RNF180: variants seen among roughly 807,000 people sequenced by gnomAD.
The protein encoded by RNF180 is E3 ubiquitin-protein ligase RNF180.
In RNF180, 38 loss-of-function variants were observed where a neutral mutation model predicts 59.2. The ratio of observed to expected loss-of-function variants is 0.64; its 90% confidence interval spans 0.50 to 0.84. The LOEUF (loss-of-function observed/expected upper bound fraction) is 0.84, where lower values mean the gene tolerates loss of function less well. RNF180 is among the 40% of genes least tolerant of loss of function. RNF180 has a pLI of 0.00. For synonymous variants in RNF180, 262 were observed against 240.3 expected (o/e 1.09, Z -0.84); for missense variants, 705 against 700.9 (o/e 1.01, Z -0.07).
At chr5:64,223,682 A>C (rs1741487418) in intron 5 of RNF180, among the ~76,000 whole-genome samples, 1 of 151,636 alleles carries the variant, frequency 6.6e-6, no homozygotes, top group Non-Finnish European at 1.5e-5. Context: ...CACATATTTT[A>C]TCTTTTTTTT....
chr5:64,234,148 AT>A (rs955186213), intron 5 of RNF180, among the ~76,000 whole-genome samples: 2 of 152,098 alleles, frequency 1.3e-5, no homozygotes, highest in Non-Finnish European at 2.9e-5. Flanking sequence ...AATAAATCTC[AT>A]TTTTTTTCCT....
At chr5:64,255,446 G>A (rs913363285) in intron 5 of RNF180, among the ~76,000 whole-genome samples, 1 of 152,086 alleles carries the variant, frequency 6.6e-6, no homozygotes, top group African/African-American at 2.4e-5. Context: ...GAGAACATGT[G>A]GTGTATGGTT....
chr5:64,196,209 C>T (rs144231590), intron 1 of RNF180, among the ~76,000 whole-genome samples: 1 of 151,138 alleles, frequency 6.6e-6, no homozygotes, highest in Non-Finnish European at 1.5e-5. Flanking sequence ...TTTTTCCCAC[C>T]ATTAACGCTT....
intron 1 of RNF180, among the ~76,000 whole-genome samples, chr5:64,167,314 A>T (rs1025006502): frequency 6.6e-6 from 1 of 152,104 alleles, no homozygotes; most frequent in Non-Finnish European, 1.5e-5. Flanking sequence ...TGTACGTGTT[A>T]TGTTGTACTT....
chr5:64,335,486 G>T (rs1745087847), intron 7 of RNF180, among the ~76,000 whole-genome samples: 1 of 151,026 alleles, frequency 6.6e-6, no homozygotes, highest in Admixed American at 6.6e-5. Context: ...TTTCTTTGTT[G>T]TAGGTAGAGA....
At chr5:64,209,032 C>T (rs1165627021) in intron 2 of RNF180, among the ~76,000 whole-genome samples, 3 of 151,862 alleles carry the variant, frequency 2.0e-5, no homozygotes, top group Non-Finnish European at 4.4e-5. Flanking sequence ...TACCTTAAAG[C>T]ATACACAGGC....
At chr5:64,204,788 C>G (rs183658876) in intron 2 of RNF180, among the ~76,000 whole-genome samples, 39 of 152,214 alleles carry the variant, frequency 2.6e-4, no homozygotes, top group Admixed American at 4.6e-4. Flanking sequence ...AGGCAAGTTT[C>G]CTTGTGTGCC....
intron 5 of RNF180, among the ~76,000 whole-genome samples, chr5:64,277,189 A>G (rs1259845621): frequency 2.1e-5 from 3 of 141,686 alleles, no homozygotes; most frequent in Admixed American, 7.1e-5. Context: ...AAAAAAAAAA[A>G]AGGGGAAAAA....
chr5:64,365,655 TG>T (rs527434569), intron 7 of RNF180, among the ~76,000 whole-genome samples: 81 of 151,882 alleles, frequency 5.3e-4, no homozygotes, highest in African/African-American at 1.8e-3. Context: ...TTTATGAATC[TG>T]GGTGCTCTTG....
intron 7 of RNF180, among the ~76,000 whole-genome samples, chr5:64,347,693 A>C (rs184539605): frequency 7.2e-5 from 11 of 152,272 alleles, no homozygotes; most frequent in Non-Finnish European, 1.6e-4. Context: ...GATAATATGA[A>C]ATGTTTTAAT....
intron 5 of RNF180, among the ~76,000 whole-genome samples, chr5:64,259,306 G>A (rs1744175790): frequency 1.3e-5 from 2 of 152,130 alleles, no homozygotes; most frequent in African/African-American, 4.8e-5. Flanking sequence ...AAAGGGTTTT[G>A]GGGGGAACAG....
chr5:64,318,970 G>T (rs899225605), intron 5 of RNF180, among the ~76,000 whole-genome samples: 1 of 152,104 alleles, frequency 6.6e-6, no homozygotes, highest in African/African-American at 2.4e-5. Context: ...TGCAAAAAAA[G>T]AGTAAGCCCT....
chr5:64,175,692 G>T lies in RNF180; in HGVS notation c.-1+9739G>T, dbSNP rs190876204. On this transcript the variant is annotated intron_variant, in intron 1 of 7. Transcript: ENST00000389100. ...TTATAGGGATTGCATTAAATCTGTAGATTGCCTTGAGTACTGTGGACACTT... is the reference window on the plus strand; with the variant it reads ...TTATAGGGATTGCATTAAATCTGTATATTGCCTTGAGTACTGTGGACACTT... Among the ~76,000 whole-genome samples, 11 of 152,176 alleles carry T rather than the reference G, an allele frequency of 7.2e-5. No individual in the cohort carries two copies. In the East Asian group the frequency reaches 2.1e-3, roughly 29 times the overall value.
intron 5 of RNF180, among the ~76,000 whole-genome samples, chr5:64,322,639 A>G (rs960069344): frequency 1.2e-4 from 13 of 106,330 alleles, no homozygotes; most frequent in South Asian, 3.6e-4. Flanking sequence ...GTGTGTGTGT[A>G]TAACGGAATA....
At chr5:64,346,346 TTTTTC>T (rs1341204410) in intron 7 of RNF180, among the ~76,000 whole-genome samples, 4 of 150,770 alleles carry the variant, frequency 2.7e-5, no homozygotes, top group Non-Finnish European at 3.0e-5. Flanking sequence ...TATTCTTCTT[TTTTTC>T]TTTTCTTCTT....
intron 1 of RNF180, among the ~76,000 whole-genome samples, chr5:64,186,154 A>G (rs1750864435): frequency 6.6e-6 from 1 of 152,128 alleles, no homozygotes; most frequent in South Asian, 2.1e-4. Flanking sequence ...GTATGTGACA[A>G]TTCCTCTTGC....
rs147968357 is a variant in RNF180 at position 64,281,816 on chromosome 5, G to T, written c.1228-43370G>T. 3.3e-3 allele frequency among the ~76,000 whole-genome samples: 508 copies of T among 152,142 alleles called. 2 individuals are homozygous for T. The highest frequency in any genetic ancestry group is 0.011 in the African/African-American group (460 of 41,512). The stretch of plus-strand genomic sequence containing the variant: ...TCGCTGAGGATTTTTAACATGAAGG[G>T]ATGTTAAATTTTATCAAAAGCCTTT... On this transcript the variant is annotated intron_variant, in intron 5 of 7. Coordinates refer to ENST00000389100, the MANE Select transcript of RNF180 (RefSeq NM_001113561.2).
chr5:64,303,959 A>T (rs1743300284), intron 5 of RNF180, among the ~76,000 whole-genome samples: 1 of 151,642 alleles, frequency 6.6e-6, no homozygotes, highest in African/African-American at 2.4e-5. Flanking sequence ...GCTGGTGACT[A>T]AGCAGAAGCC....
chr5:64,206,216 T>G (rs1752010017), intron 2 of RNF180, among the ~76,000 whole-genome samples: 1 of 152,214 alleles, frequency 6.6e-6, no homozygotes. Context: ...ATTGTAGTTA[T>G]GAGACTTTTA....
Sources: gnomAD v4.1 joint callset for allele counts (sites outside exome capture counted in the v4.1 genomes callset) on GRCh38, gnomAD v4.1.1 for gene constraint, MANE v1.5 for transcripts, NCBI Gene and HGNC (gene_info 2026-07-23, HGNC 2026-07-21) for gene names.